RUNX1T1: variants seen among roughly 807,000 people sequenced by gnomAD.
The protein encoded by RUNX1T1 is protein CBFA2T1.
Under a neutral mutation model 62.8 loss-of-function variants are expected in RUNX1T1, and 4 were observed. The observed-to-expected ratio is 0.06, with a 90% CI of 0.03 to 0.15. RUNX1T1 has a LOEUF of 0.15. RUNX1T1 is among the 10% of genes least tolerant of loss of function. The pLI is 1.00. For missense variants in RUNX1T1, 508 were observed against 754.3 expected, an observed-to-expected ratio of 0.67 and a Z score of 3.82; for synonymous variants, 291 against 286.0, an observed-to-expected ratio of 1.02 and a Z score of -0.18.
At chr8:92,042,122 A>T (rs1169835742) in intron 1 of RUNX1T1, among the ~76,000 whole-genome samples, 1 of 151,974 alleles carries the variant, frequency 6.6e-6, no homozygotes, top group East Asian at 1.9e-4. Flanking sequence ...GCCTGGCCTG[A>T]AGGGGTGGTT....
At chr8:91,971,811 C>T (rs1812891422) in intron 9 of RUNX1T1, among the ~76,000 whole-genome samples, 1 of 151,878 alleles carries the variant, frequency 6.6e-6, no homozygotes, top group African/African-American at 2.4e-5. Context: ...TTATTTTTGG[C>T]TGAGGAAAGG....
intron 5 of RUNX1T1, 68 bp from the exon 7 acceptor site, chr8:91,991,957 T>C (rs1817764680): frequency 1.3e-6 from 2 of 1,522,428 alleles, no homozygotes; most frequent in Non-Finnish European, 9.0e-7. Context: ...CAGTCACTCA[T>C]ATTTGAGCTT....
At chr8:92,049,505 A>T (rs1364724979) in intron 1 of RUNX1T1, among the ~76,000 whole-genome samples, 1 of 152,172 alleles carries the variant, frequency 6.6e-6, no homozygotes, top group Non-Finnish European at 1.5e-5. Context: ...TCTGCAGGAC[A>T]TCAAAAAACA....
At chr8:92,069,445 T>G (rs1183861095) in intron 2 of RUNX1T1, among the ~76,000 whole-genome samples, 1 of 152,172 alleles carries the variant, frequency 6.6e-6, no homozygotes, top group Non-Finnish European at 1.5e-5. Flanking sequence ...CATCATATTT[T>G]CTTTCACAGG....
At chr8:92,059,758 T>C (rs1350146095) in intron 1 of RUNX1T1, among the ~76,000 whole-genome samples, 4 of 152,200 alleles carry the variant, frequency 2.6e-5, no homozygotes, top group Non-Finnish European at 5.9e-5. Flanking sequence ...GGGCAATTTA[T>C]GAAATGCACT....
intron 1 of RUNX1T1, among the ~76,000 whole-genome samples, chr8:92,036,732 T>C (rs1159683824): frequency 6.6e-6 from 1 of 152,220 alleles, no homozygotes; most frequent in African/African-American, 2.4e-5. Context: ...AAGAAAACAC[T>C]AGATTTTGCC....
At chr8:92,080,684 A>G (rs1835113515) in intron 1 of RUNX1T1, among the ~76,000 whole-genome samples, 1 of 152,256 alleles carries the variant, frequency 6.6e-6, no homozygotes, top group Non-Finnish European at 1.5e-5. Context: ...GAGCATGGCC[A>G]TGTTTATTCA....
chr8:92,097,120 G>A (rs1438690382), intron 1 of RUNX1T1, among the ~76,000 whole-genome samples: 1 of 152,152 alleles, frequency 6.6e-6, no homozygotes, highest in Non-Finnish European at 1.5e-5. Flanking sequence ...ATGAATGTCA[G>A]ATAAAAAGGG....
chr8:92,035,748 T>A (rs888581863), intron 1 of RUNX1T1, among the ~76,000 whole-genome samples: 10 of 150,966 alleles, frequency 6.6e-5, no homozygotes, highest in African/African-American at 2.4e-4. Flanking sequence ...AAAATCAAGA[T>A]TGCCTTAGCA....
At chr8:92,052,505 T>C (rs989642683) in intron 1 of RUNX1T1, among the ~76,000 whole-genome samples, 1 of 151,896 alleles carries the variant, frequency 6.6e-6, no homozygotes, top group Non-Finnish European at 1.5e-5. Flanking sequence ...TCCACAAAAA[T>C]AAAAAGAAAA....
intron 6 of RUNX1T1, among the ~76,000 whole-genome samples, chr8:91,990,645 CTT>C (rs34688927): frequency 1.4e-5 from 2 of 145,642 alleles, no homozygotes. Flanking sequence ...TGCTTTACTA[CTT>C]TTTTTTTTTT....
intron 1 of RUNX1T1, among the ~76,000 whole-genome samples, chr8:92,022,757 T>C (rs1824364224): frequency 6.6e-6 from 1 of 152,172 alleles, no homozygotes; most frequent in South Asian, 2.1e-4. Context: ...GCAGCACAAA[T>C]GGACTAAGAC....
intron 1 of RUNX1T1, among the ~76,000 whole-genome samples, chr8:92,090,243 A>C (rs1446734726): frequency 6.6e-6 from 1 of 151,728 alleles, no homozygotes. Flanking sequence ...AACTAGTTAC[A>C]AACTCTTTTT....
downstream of RUNX1T1, chr8:91,955,881 G>A (rs902517080): frequency 8.7e-6 from 2 of 228,694 alleles, no homozygotes; most frequent in East Asian, 6.3e-5. Context: ...TGTAACTAGA[G>A]AATGAAAAAA....
chr8:92,059,952 G>C (rs993934823), intron 1 of RUNX1T1, among the ~76,000 whole-genome samples: 2 of 152,018 alleles, frequency 1.3e-5, no homozygotes, highest in Admixed American at 1.3e-4. Flanking sequence ...TGGGCTACAG[G>C]GACTGTGCTC....
upstream of RUNX1T1, among the ~76,000 whole-genome samples, chr8:92,065,114 T>C (rs551476305): frequency 1.3e-5 from 2 of 152,140 alleles, no homozygotes; most frequent in East Asian, 1.9e-4. Context: ...TCTCCCTGAA[T>C]AGGGAAACCT....
intron 5 of RUNX1T1, chr8:91,994,665 C>T (rs1274666684): frequency 4.1e-6 from 2 of 493,820 alleles, no homozygotes; most frequent in Non-Finnish European, 8.0e-6. Flanking sequence ...GGTTTTCAAA[C>T]TGTGCCACCT....
At chr8:91,962,501 T>A (rs1159211546) in intron 10 of RUNX1T1, among the ~76,000 whole-genome samples, 1 of 152,232 alleles carries the variant, frequency 6.6e-6, no homozygotes, top group East Asian at 1.9e-4. Context: ...TCTCAAAAGA[T>A]GTGAAGCTCT....
intron 1 of RUNX1T1, among the ~76,000 whole-genome samples, chr8:92,019,921 C>T (rs1035775461): frequency 3.3e-5 from 5 of 152,138 alleles, no homozygotes; most frequent in Admixed American, 1.3e-4. Context: ...ACAATAACTA[C>T]AGAGACAATG....
Sources: allele counts gnomAD v4.1 joint callset (sites outside exome capture counted in the v4.1 genomes callset), GRCh38; gene constraint gnomAD v4.1.1; transcripts MANE v1.5; gene names NCBI Gene and HGNC (gene_info 2026-07-23, HGNC 2026-07-21).